Variants in TMEM223 observed in about 807,000 individuals in gnomAD.
The protein encoded by TMEM223 is transmembrane protein 223.
Under a neutral mutation model 14.1 loss-of-function variants are expected in TMEM223, and 14 were observed. The ratio of observed to expected loss-of-function variants is 0.99; its 90% CI spans 0.66 to 1.55. The LOEUF is 1.55. Ranked by LOEUF, TMEM223 falls within the 40% of genes most tolerant of loss-of-function variation. The pLI is 0.00. For missense variants in TMEM223, 346 were observed against 269.9 expected, an observed-to-expected ratio of 1.28 and a Z score of -1.97; for synonymous variants, 145 against 120.5, an observed-to-expected ratio of 1.20 and a Z score of -1.33.
At chr11:62,787,830 A>AAGTC, downstream of TMEM223, 1 of 656,776 alleles carries the variant, frequency 1.5e-6, no homozygotes, top group Non-Finnish European at 2.8e-6. Context: ...TCCGAAACAG[A>AAGTC]AGTCAGTGCA....
chr11:62,789,383 A>C, downstream of TMEM223: 1 of 1,613,848 alleles, frequency 6.2e-7, no homozygotes, highest in Non-Finnish European at 8.5e-7. Context: ...ATTTGGCACC[A>C]GGTCTCTCTG....
chr11:62,780,150 C>T (rs1225513612), intron 1 of TMEM223, among the ~76,000 whole-genome samples: 5 of 150,828 alleles, frequency 3.3e-5, no homozygotes, highest in Non-Finnish European at 3.0e-5. Flanking sequence ...GAAACCCCAT[C>T]TTCACTAAAA....
exon 3 of TMEM223, chr11:62,772,097 A>T: frequency 2.2e-6 from 1 of 456,276 alleles, no homozygotes; most frequent in South Asian, 1.5e-5. Flanking sequence ...TGGAGAAGTC[A>T]TGGAACATTT....
rs371461821 is a variant in TMEM223 at position 62,790,881 on chromosome 11, A to G, written c.351T>C (p.Ser117=). 5 of 1,599,040 alleles carry G rather than the reference A, an allele frequency of 3.1e-6. No individual in the cohort carries two copies. In the East Asian group the frequency reaches 6.8e-5, roughly 22 times the overall value. Residue 117 remains serine, a synonymous_variant, in exon 2 of 2, where the codon TCT becomes TCC. Coordinates refer to ENST00000307366, the MANE Select transcript of TMEM223 (RefSeq NM_001080501.3). ...ALVLGAGLLF[S]LRSVRSVVLR... ...GCACCACTGAGCGCACAGACCGGAG[A>G]GAGAAGAGAAGACCAGCACCGAGTA...
downstream of TMEM223, chr11:62,789,663 A>T (rs1348543053): frequency 1.3e-6 from 2 of 1,547,912 alleles, no homozygotes; most frequent in Non-Finnish European, 1.7e-6. Context: ...TTTTACTCCA[A>T]CCTACACAAT....
At chr11:62,771,717 C>T (rs928350566) in exon 3 of TMEM223, 20 of 203,228 alleles carry the variant, frequency 9.8e-5, no homozygotes, top group Non-Finnish European at 1.8e-4. Flanking sequence ...GAGGTCAGTT[C>T]CCACGCCTCC....
At chr11:62,787,012 CGGGCGCGCGGGGCACCCCGGCAGCA>C, downstream of TMEM223, 1 of 1,487,364 alleles carries the variant, frequency 6.7e-7, no homozygotes, top group Non-Finnish European at 8.9e-7. Context: ...GCGCGTGCAT[CGGGCGCGCGGGGCACCCCGGCAGCA>C]GGGCCCCGGG....
At chr11:62,777,934 C>G in intron 1 of TMEM223, 1 of 1,604,832 alleles carries the variant, frequency 6.2e-7, no homozygotes, top group South Asian at 1.1e-5. Context: ...GACGCCTGCT[C>G]CCTCCCTGGA....
downstream of TMEM223, chr11:62,771,656 G>C (rs1008003344): frequency 5.5e-6 from 1 of 183,218 alleles, no homozygotes; most frequent in South Asian, 8.9e-5. Context: ...CCCCGATCTG[G>C]GCTGGGCTAG....
downstream of TMEM223, chr11:62,782,574 C>G: frequency 6.9e-7 from 1 of 1,450,848 alleles, no homozygotes; most frequent in South Asian, 1.3e-5. Flanking sequence ...CAGCCTTCTT[C>G]ACTTAACCCC....
chr11:62,789,625 A>T (rs761751581), downstream of TMEM223: 15 of 1,548,850 alleles, frequency 9.7e-6, no homozygotes, highest in South Asian at 1.1e-4. Flanking sequence ...AGAAAATTCC[A>T]TGGACACCCC....
In TMEM223 at chr11:62,790,884, G is replaced by A. The variant is rs1554999888; in HGVS notation, c.348C>T (p.Phe116=). The change falls in exon 2 of 2, where the codon TTC becomes TTT. Residue 116 remains phenylalanine, a synonymous_variant. Coordinates refer to ENST00000307366, the MANE Select transcript of TMEM223 (RefSeq NM_001080501.3). The part of the protein sequence containing the change: ...GALVLGAGLL[F]SLRSVRSVVL... ...CCACTGAGCGCACAGACCGGAGAGA[G>A]AAGAGAAGACCAGCACCGAGTACGA... 1.3e-6 allele frequency: 2 copies of A among 1,599,130 alleles called. No individual in the cohort carries two copies. The highest frequency in any genetic ancestry group is 1.7e-6 in the Non-Finnish European group (2 of 1,170,908).
intron 1 of TMEM223, chr11:62,776,325 G>T (rs1364203789): frequency 6.4e-7 from 1 of 1,574,412 alleles, no homozygotes; most frequent in Non-Finnish European, 8.7e-7. Flanking sequence ...TTCATTTGGG[G>T]TTTCCCATGC....
At chr11:62,782,741 C>A, downstream of TMEM223, 1 of 1,612,752 alleles carries the variant, frequency 6.2e-7, no homozygotes, top group Non-Finnish European at 8.5e-7. Context: ...TCCTGCTATC[C>A]CTGCAGAAGA....
chr11:62,772,036 G>T (rs1350137940), exon 3 of TMEM223: 1 of 454,540 alleles, frequency 2.2e-6, no homozygotes, highest in African/African-American at 2.0e-5. Flanking sequence ...GGAGCAAGGG[G>T]TTGAGTCCTT....
downstream of TMEM223, among the ~76,000 whole-genome samples, chr11:62,784,419 C>T (rs1012288254): frequency 6.6e-5 from 10 of 151,782 alleles, no homozygotes; most frequent in African/African-American, 2.2e-4. Context: ...ATTCTCCTGC[C>T]TCAGCCTCCC....
At chr11:62,773,393 G>A (rs1257314598) in intron 2 of TMEM223, among the ~76,000 whole-genome samples, 2 of 151,384 alleles carry the variant, frequency 1.3e-5, no homozygotes, top group East Asian at 1.9e-4. Flanking sequence ...TGATCCACCC[G>A]CCTTGGCTTC....
chr11:62,787,073 A>G (rs2084287933), downstream of TMEM223: 2 of 1,531,082 alleles, frequency 1.3e-6, no homozygotes, highest in East Asian at 2.5e-5. Flanking sequence ...GTTTTCCAGA[A>G]GAGCCGTTTC....
At chr11:62,774,366 G>A (rs1315087634) in intron 2 of TMEM223, among the ~76,000 whole-genome samples, 1 of 152,182 alleles carries the variant, frequency 6.6e-6, no homozygotes, top group African/African-American at 2.4e-5. Flanking sequence ...GTGAGCCACC[G>A]CGCCCGGCCC....
Sources: allele counts gnomAD v4.1 joint callset (sites outside exome capture counted in the v4.1 genomes callset), GRCh38; gene constraint gnomAD v4.1.1; transcripts MANE v1.5; gene names NCBI Gene and HGNC (gene_info 2026-07-23, HGNC 2026-07-21).